CSDE1: variants seen among roughly 807,000 people sequenced by gnomAD.
The protein encoded by CSDE1 is cold shock domain-containing protein E1.
In CSDE1, 17 loss-of-function variants were observed where a neutral mutation model predicts 89.3. The ratio of observed to expected loss-of-function variants is 0.19; its 90% CI spans 0.13 to 0.29. The LOEUF (loss-of-function observed/expected upper bound fraction) is 0.29. CSDE1 is among the 10% of genes least tolerant of loss of function. CSDE1 has a pLI of 1.00. For synonymous variants in CSDE1, 322 were observed against 332.8 expected, an observed-to-expected ratio of 0.97 and a Z score of 0.35; for missense variants, 672 against 984.2, an observed-to-expected ratio of 0.68 and a Z score of 4.24.
At chr1:114,755,736 A>G (rs564153587) in intron 1 of CSDE1, among the ~76,000 whole-genome samples, 2 of 152,354 alleles carry the variant, frequency 1.3e-5, no homozygotes, top group East Asian at 1.9e-4. Flanking sequence ...AGCTAAGAAG[A>G]AGGCACATCA....
At chr1:114,750,884 T>C (rs1661270943) in intron 1 of CSDE1, among the ~76,000 whole-genome samples, 1 of 152,248 alleles carries the variant, frequency 6.6e-6, no homozygotes, top group Non-Finnish European at 1.5e-5. Context: ...CCATGCATTC[T>C]ATGATTTTCT....
At chr1:114,739,100 T>C (rs1161359363) in intron 3 of CSDE1, among the ~76,000 whole-genome samples, 3 of 152,062 alleles carry the variant, frequency 2.0e-5, no homozygotes, top group East Asian at 1.9e-4. Context: ...GGTGGCATCT[T>C]GGCTTACTGC....
In CSDE1 at chr1:114,734,382, T is replaced by C. The variant is rs188618819; in HGVS notation, c.582+60A>G. The C allele has an allele frequency of 5.5e-5, 79 of 1,427,304 alleles. 1 individual carries two copies. In the East Asian group the frequency reaches 8.0e-4, roughly 14 times the overall value. 88.4% of individuals were successfully genotyped at this position (1,427,304 alleles called of 1,614,324 possible). ...GAAAAAAAAAAACAAAGGCTGGAGT[T>C]TGAAGTACAACATTTCAAGTGGCCA... On this transcript the variant is annotated intron_variant, in intron 7 of 19. Coordinates refer to ENST00000358528, the MANE Select transcript of CSDE1 (RefSeq NM_001007553.3).
At chr1:114,751,290 A>G (rs2101088327) in intron 1 of CSDE1, among the ~76,000 whole-genome samples, 1 of 152,380 alleles carries the variant, frequency 6.6e-6, no homozygotes, top group Middle Eastern at 3.4e-3. Context: ...CACTGACTCC[A>G]AAGTTACAAA....
intron 1 of CSDE1, among the ~76,000 whole-genome samples, chr1:114,753,763 T>C (rs1482197072): frequency 6.6e-6 from 1 of 151,978 alleles, no homozygotes; most frequent in Non-Finnish European, 1.5e-5. Flanking sequence ...AAATAAAAAA[T>C]AAATTCACTG....
chr1:114,741,695 T>C (rs1392841437), intron 2 of CSDE1: 14 of 1,484,536 alleles, frequency 9.4e-6, no homozygotes, highest in Admixed American at 2.2e-5. Flanking sequence ...TAGCATAATG[T>C]TGATAACTAT....
chr1:114,718,220 T>TG lies in CSDE1; in HGVS notation c.2350-5dup, dbSNP rs778572647. On this transcript the variant is annotated splice_region_variant and splice_polypyrimidine_tract_variant and intron_variant, in intron 19 of 19. Coordinates refer to ENST00000358528, the MANE Select transcript of CSDE1 (RefSeq NM_001007553.3). ...TCTTTCTTTCTGCACCAAACCCCTG[T>TG]GGGGGGGAGAAAAAAAAAACCCTGC... 1.3e-4 allele frequency: 210 copies of TG among 1,611,102 alleles called. 2 individuals are homozygous for TG. The highest frequency in any genetic ancestry group is 4.2e-4 in the Admixed American group (25 of 59,586).
chr1:114,728,096 T>A (rs1659899143), intron 12 of CSDE1, among the ~76,000 whole-genome samples: 1 of 152,194 alleles, frequency 6.6e-6, no homozygotes, highest in South Asian at 2.1e-4. Flanking sequence ...CTTACAACAT[T>A]ACCAGGTATT....
At chr1:114,728,202 T>G (rs1243355460) in intron 12 of CSDE1, among the ~76,000 whole-genome samples, 1 of 152,190 alleles carries the variant, frequency 6.6e-6, no homozygotes, top group African/African-American at 2.4e-5. Flanking sequence ...TAAGTAAACC[T>G]TACCAAGGTT....
chr1:114,719,751 A>G lies in CSDE1; in HGVS notation c.2053-9T>C. On this transcript the variant is annotated splice_polypyrimidine_tract_variant and intron_variant, in intron 17 of 19. Transcript: ENST00000358528. The stretch of plus-strand genomic sequence containing the variant: ...TAGTTAATGAAGCCAAACTGAAAAA[A>G]AAAAGTAGGTAAAAAAGAGAGGGCA... 6.2e-7 allele frequency: 1 copy of G among 1,607,090 alleles called. No individual in the cohort carries two copies. Among genetic ancestry groups the G allele is most frequent in the African/African-American group, 1.3e-5 (1 of 74,248 alleles).
At position 114,732,760 on chromosome 1, in the gene CSDE1, G is replaced by C; in HGVS notation, c.894C>G (p.Pro298=). Residue 298 remains proline (P), a synonymous_variant, in exon 10 of 20, where the codon CCC becomes CCG. Transcript: ENST00000358528. ...TGGATTTCGTATCTTTGTCTCCAAA[G>C]GGAAGTTCTTTAGGGATCACAAAGT... ...KVDFVIPKEL[P]FGDKDTKSKV... The C allele has an allele frequency of 6.2e-7, 1 of 1,614,174 alleles. No homozygotes were observed. The highest frequency in any genetic ancestry group is 8.5e-7 in the Non-Finnish European group (1 of 1,180,028).
In CSDE1 at chr1:114,749,954, G is replaced by C. The variant is rs1038932322; in HGVS notation, c.-134C>G. The C allele has an allele frequency of 6.6e-6, 1 of 152,548 alleles. No homozygotes were observed. Among genetic ancestry groups the C allele is most frequent in the Non-Finnish European group, 1.5e-5 (1 of 68,022 alleles). The allele number at this position is 152,548 out of a possible 1,614,324, so 9.4% of individuals were successfully genotyped here. ...GAAAATGATCTACCAAGCTAATAAAGAATACAACTGCTGCTGTACCGGGCA... is the reference window on the plus strand; with the variant it reads ...GAAAATGATCTACCAAGCTAATAAACAATACAACTGCTGCTGTACCGGGCA... On this transcript the variant is annotated 5_prime_UTR_variant, in exon 2 of 20. Transcript: ENST00000358528.
chr1:114,733,879 G>A (rs1660247080), intron 8 of CSDE1, 22 bp from the exon 9 acceptor site: 1 of 1,612,904 alleles, frequency 6.2e-7, no homozygotes, highest in Non-Finnish European at 8.5e-7. Flanking sequence ...GGGGTTGGAG[G>A]TGGTGGGGGG....
intron 9 of CSDE1, 88 bp downstream of exon 9, chr1:114,733,644 C>CTTAT: frequency 8.4e-7 from 1 of 1,195,226 alleles, no homozygotes; most frequent in Non-Finnish European, 1.2e-6. Context: ...ATTATATTAA[C>CTTAT]TGAATAAGAT....
chr1:114,717,947 TAAG>T lies in CSDE1; in HGVS notation c.*219_*221del, dbSNP rs1570882533. On this transcript the variant is annotated 3_prime_UTR_variant, in exon 20 of 20. Coordinates refer to ENST00000358528, the MANE Select transcript of CSDE1 (RefSeq NM_001007553.3). Reference sequence around the variant, plus strand: ...AAATTGATACTATAAGGCGCCACCTTAAGTTTTTCCAGGCTGCAACTGTGCATT... The same window carrying T: ...AAATTGATACTATAAGGCGCCACCTTTTTTTCCAGGCTGCAACTGTGCATT... 4.7e-5 allele frequency: 24 copies of T among 511,604 alleles called. No homozygotes were observed. In the East Asian group the frequency reaches 7.5e-4, roughly 16 times the overall value. 31.7% of individuals were successfully genotyped at this position (511,604 alleles called of 1,614,324 possible).
intron 1 of CSDE1, among the ~76,000 whole-genome samples, chr1:114,757,545 G>A (rs537207020): frequency 3.8e-4 from 58 of 151,816 alleles, no homozygotes; most frequent in Admixed American, 7.9e-4. Flanking sequence ...CAGACAAGCC[G>A]CAGATGGGGA....
At chr1:114,728,802 C>T (rs1659943047) in intron 12 of CSDE1, among the ~76,000 whole-genome samples, 1 of 152,146 alleles carries the variant, frequency 6.6e-6, no homozygotes, top group African/African-American at 2.4e-5. Flanking sequence ...GAAATAATTT[C>T]CCAAGCTACA....
intron 13 of CSDE1, 124 bp from the exon 14 acceptor site, chr1:114,726,510 T>A: frequency 1.4e-6 from 1 of 703,412 alleles, no homozygotes. Flanking sequence ...TTGTTATTAC[T>A]TCAATGAAAT....
intron 12 of CSDE1, among the ~76,000 whole-genome samples, chr1:114,729,941 G>T (rs1220611298): frequency 6.6e-6 from 1 of 152,098 alleles, no homozygotes; most frequent in Non-Finnish European, 1.5e-5. Flanking sequence ...CCTCCCAGGG[G>T]ACATTTGGCA....
Sources: gnomAD v4.1 joint callset for allele counts (sites outside exome capture counted in the v4.1 genomes callset) on GRCh38, gnomAD v4.1.1 for gene constraint, MANE v1.5 for transcripts, NCBI Gene and HGNC (gene_info 2026-07-23, HGNC 2026-07-21) for gene names.